SCRN1: variants seen among roughly 807,000 people sequenced by gnomAD.
The protein encoded by SCRN1 is secernin 1.
Under a neutral mutation model 43.3 loss-of-function variants are expected in SCRN1, and 19 were observed. The observed-to-expected ratio is 0.44, with a 90% confidence interval of 0.31 to 0.64. The LOEUF is 0.64. Among genes scored for constraint, SCRN1 ranks in the 30% least tolerant of loss-of-function variants. The probability of loss-of-function intolerance (pLI) is 0.09; values close to 1 mark genes in which losing one functional copy is unlikely to be tolerated. For synonymous variants in SCRN1, 183 were observed against 188.9 expected (o/e 0.97, Z 0.26); for missense variants, 447 against 524.1 (o/e 0.85, Z 1.44).
At chr7:29,928,730 C>G (rs7808006) in intron 6 of SCRN1, among the ~76,000 whole-genome samples, 41 of 152,166 alleles carry the variant, frequency 2.7e-4, no homozygotes, top group African/African-American at 5.8e-4. Flanking sequence ...GGGGAGCTAC[C>G]CTTGCACAGA....
At chr7:29,939,821 C>T (rs1053093766) in intron 5 of SCRN1, among the ~76,000 whole-genome samples, 5 of 152,052 alleles carry the variant, frequency 3.3e-5, no homozygotes, top group African/African-American at 7.2e-5. Context: ...GCTATCTAGT[C>T]GCCACATATA....
At chr7:29,937,468 C>T (rs375182137) in intron 5 of SCRN1, among the ~76,000 whole-genome samples, 6 of 152,230 alleles carry the variant, frequency 3.9e-5, no homozygotes, top group South Asian at 2.1e-4. Flanking sequence ...TTTTAAGCTA[C>T]GTTAATTTGG....
intron 6 of SCRN1, among the ~76,000 whole-genome samples, chr7:29,932,410 T>C (rs1346983358): frequency 6.6e-6 from 1 of 152,072 alleles, no homozygotes; most frequent in Non-Finnish European, 1.5e-5. Context: ...CCCAGCACTT[T>C]GGGAGGCGGA....
intron 1 of SCRN1, chr7:29,989,025 G>C (rs1789261399): frequency 1.3e-5 from 2 of 152,064 alleles, no homozygotes; most frequent in Non-Finnish European, 2.9e-5. Flanking sequence ...GCCCGGGTGC[G>C]GCTCGAGGGA....
intron 4 of SCRN1, among the ~76,000 whole-genome samples, chr7:29,942,970 T>C (rs1787607617): frequency 6.6e-6 from 1 of 152,184 alleles, no homozygotes; most frequent in African/African-American, 2.4e-5. Flanking sequence ...CCATCTACTG[T>C]GGTAGATCTT....
chr7:29,990,011 G>T, upstream of SCRN1: 1 of 1,448,634 alleles, frequency 6.9e-7, no homozygotes. Flanking sequence ...GCAGAAAGTG[G>T]CCCCCTCTTT....
chr7:29,938,322 G>A (rs562725130), intron 5 of SCRN1, among the ~76,000 whole-genome samples: 50 of 152,366 alleles, frequency 3.3e-4, no homozygotes, highest in African/African-American at 1.2e-3. Context: ...ATGAGCCACC[G>A]CACCCACTCA....
chr7:29,969,158 G>T, intron 1 of SCRN1, 90 bp from the exon 2 acceptor site: 1 of 1,467,248 alleles, frequency 6.8e-7, no homozygotes, highest in Non-Finnish European at 9.3e-7. Context: ...CCAGCTAAAA[G>T]GGTTTTACTA....
chr7:29,947,416 A>G, intron 3 of SCRN1: 5 of 1,406,938 alleles, frequency 3.6e-6, no homozygotes, highest in Non-Finnish European at 4.8e-6. Context: ...GCCTCCATGG[A>G]TTAGGAGATC....
At chr7:29,988,777 G>A (rs903391711) in intron 1 of SCRN1, 1 of 152,274 alleles carries the variant, frequency 6.6e-6, no homozygotes. Flanking sequence ...TACAAGGTCA[G>A]CTTTGAGTCA....
rs1786952973 is a variant in SCRN1 at position 29,926,381 on chromosome 7, C to T, written c.1086+71G>A. 4 of 1,528,316 alleles carry T rather than the reference C, an allele frequency of 2.6e-6. No homozygotes were observed. In the South Asian group the frequency reaches 4.6e-5, roughly 18 times the overall value. The allele number at this position is 1,528,316 out of a possible 1,614,324, so 94.7% of individuals were successfully genotyped here. ...TAGGGTCTAGCTTGACATCTGCTTC[C>T]CTGCCTCCTTCCTCGCTGACCTCGC... On this transcript the variant is annotated intron_variant, in intron 7 of 7. Coordinates refer to ENST00000242059, the MANE Select transcript of SCRN1 (RefSeq NM_014766.5).
rs747680199 is a variant in SCRN1 at position 29,926,508 on chromosome 7, G to A, written c.1030C>T (p.Arg344Trp). 9 of 1,614,094 alleles carry A rather than the reference G, an allele frequency of 5.6e-6. No homozygotes were observed. The highest frequency in any genetic ancestry group is 1.1e-5 in the South Asian group (1 of 91,066). ...TCGTGGGCTTTGTACAGCTCATGCCGGCGGTCTGGTTTCTCCTGGAACCGA... is the reference window on the plus strand; with the variant it reads ...TCGTGGGCTTTGTACAGCTCATGCCAGCGGTCTGGTTTCTCCTGGAACCGA... Reference protein sequence around the residue: ...EPRFQEKPDRRHELYKAHEWA... With the variant: ...EPRFQEKPDRWHELYKAHEWA... The change falls in exon 7 of 8, where the codon CGG (arginine) becomes TGG (tryptophan). Residue 344 changes from arginine to tryptophan, a missense_variant. By Grantham distance (101) the Arg-to-Trp change is moderately radical (BLOSUM62 -3). Coordinates refer to ENST00000242059, the MANE Select transcript of SCRN1 (RefSeq NM_014766.5).
At chr7:29,956,213 A>G (rs1019774140) in intron 2 of SCRN1, among the ~76,000 whole-genome samples, 1 of 152,340 alleles carries the variant, frequency 6.6e-6, no homozygotes, top group South Asian at 2.1e-4. Context: ...AGGCAAAGGG[A>G]GGAAGAGGCC....
At chr7:29,942,595 G>A (rs1787593032) in intron 4 of SCRN1, among the ~76,000 whole-genome samples, 1 of 152,200 alleles carries the variant, frequency 6.6e-6, no homozygotes, top group South Asian at 2.1e-4. Flanking sequence ...GGAGTTTTAA[G>A]TTCCTGCATT....
rs144093464 is a variant in SCRN1, at chr7:29,943,995, C to T, written c.526G>A (p.Ala176Thr). ...CACTCACCTGTGACTTTCTCGGCAG[C>T]CCAGTACTTCCCTATGGTCTCGAGC... ...WVLETIGKYW[A>T]AEKVTEGVRC... is the part of the protein sequence containing the mutation. The change falls in exon 4 of 8, where the codon GCT (alanine) becomes ACT (threonine). Residue 176 changes from alanine (A) to threonine (T), a missense_variant. Physicochemically the swap from Ala to Thr is moderately conservative, Grantham distance 58 (BLOSUM62 0). Transcript: ENST00000242059. The T allele has an allele frequency of 6.2e-7, 1 of 1,614,188 alleles. No homozygotes were observed. The highest frequency in any genetic ancestry group is 1.3e-5 in the African/African-American group (1 of 75,050).
chr7:29,931,999 A>C (rs1787170010), intron 6 of SCRN1, among the ~76,000 whole-genome samples: 1 of 152,218 alleles, frequency 6.6e-6, no homozygotes, highest in South Asian at 2.1e-4. Flanking sequence ...AACAAAAAAA[A>C]ACTTTTAAAG....
chr7:29,984,096 C>T lies in SCRN1; in HGVS notation c.-2+5546G>A, dbSNP rs527394404. Reference sequence around the variant, plus strand: ...TGGCGCTCACCTGTGAGCCAAGCTACTCAGGAGGCTGAGGCACAAGAATCA... The same window carrying T: ...TGGCGCTCACCTGTGAGCCAAGCTATTCAGGAGGCTGAGGCACAAGAATCA... On this transcript the variant is annotated intron_variant, in intron 1 of 7. Coordinates refer to ENST00000242059, the MANE Select transcript of SCRN1 (RefSeq NM_014766.5). 4.0e-5 allele frequency among the ~76,000 whole-genome samples: 6 copies of T among 151,124 alleles called. No homozygotes were observed. In the South Asian group the frequency reaches 1.3e-3, roughly 32 times the overall value.
chr7:29,923,844 A>T lies in SCRN1; in HGVS notation c.*113T>A. 8.6e-7 allele frequency: 1 copy of T among 1,158,000 alleles called. No individual in the cohort carries two copies. The highest frequency in any genetic ancestry group is 1.2e-6 in the Non-Finnish European group (1 of 810,916). The allele number at this position is 1,158,000 out of a possible 1,614,324, so 71.7% of individuals were successfully genotyped here. On this transcript the variant is annotated 3_prime_UTR_variant, in exon 8 of 8. Coordinates refer to ENST00000242059, the MANE Select transcript of SCRN1 (RefSeq NM_014766.5). ...TAACAGTTTGATCTGGCTTCAGAAA[A>T]GGAGGCCACATATTAACTTTCTCAT...
chr7:29,987,993 CAA>C (rs1773503605), intron 1 of SCRN1, among the ~76,000 whole-genome samples: 1 of 151,966 alleles, frequency 6.6e-6, no homozygotes, highest in Non-Finnish European at 1.5e-5. Context: ...ATCTCCTTCC[CAA>C]AAGACAAGAT....
Sources: allele counts gnomAD v4.1 joint callset (sites outside exome capture counted in the v4.1 genomes callset), GRCh38; gene constraint gnomAD v4.1.1; transcripts MANE v1.5; gene names NCBI Gene and HGNC (gene_info 2026-07-23, HGNC 2026-07-21).